The following LINGO2 variants were observed in gnomAD, a reference collection of about 807,000 sequenced individuals.
LINGO2 encodes leucine rich repeat and Ig domain containing 2, also known as leucine-rich repeat and immunoglobulin-like domain-containing nogo receptor-interacting protein 2.
In LINGO2, 14 loss-of-function variants were observed where a neutral mutation model predicts 30.6. That is an observed-to-expected ratio of 0.46 (90% confidence interval 0.30 to 0.72). LINGO2 has a LOEUF of 0.72. Among genes scored for constraint, LINGO2 ranks in the 30% least tolerant of loss-of-function variants. The pLI, the probability that LINGO2 is intolerant of heterozygous loss-of-function variation, is 0.07. For missense variants in LINGO2, 729 were observed against 751.7 expected, an observed-to-expected ratio of 0.97 and a Z score of 0.35; for synonymous variants, 317 against 288.5, an observed-to-expected ratio of 1.10 and a Z score of -1.00.
chr9:29,074,793 G>A, the LINGO2 span, among the ~76,000 whole-genome samples: 3 of 144,108 alleles, frequency 2.1e-5, no homozygotes, highest in African/African-American at 5.1e-5. Context: ...TCAGCCTCCC[G>A]AGTAGCTGGG....
intron 4 of LINGO2, among the ~76,000 whole-genome samples, chr9:28,081,558 C>T (rs1428175599): frequency 2.0e-5 from 3 of 152,140 alleles, no homozygotes; most frequent in Non-Finnish European, 4.4e-5. Flanking sequence ...ACTTTGAATA[C>T]ATAAACCTAG....
chr9:28,282,492 T>C (rs1246896779), intron 4 of LINGO2, among the ~76,000 whole-genome samples: 2 of 152,040 alleles, frequency 1.3e-5, no homozygotes, highest in Non-Finnish European at 2.9e-5. Context: ...AAAGATCAGA[T>C]GTAGAAAACA....
the LINGO2 span, among the ~76,000 whole-genome samples, chr9:28,800,000 C>A: frequency 6.6e-6 from 1 of 151,950 alleles, no homozygotes; most frequent in Non-Finnish European, 1.5e-5. Context: ...CAGTTATTTT[C>A]TTTCTTACTT....
chr9:28,270,394 C>A (rs909153930), intron 4 of LINGO2, among the ~76,000 whole-genome samples: 1 of 151,922 alleles, frequency 6.6e-6, no homozygotes, highest in Non-Finnish European at 1.5e-5. Context: ...AATCTAGCAC[C>A]TATGATGACC....
chr9:28,370,836 C>T (rs184480445), intron 3 of LINGO2, among the ~76,000 whole-genome samples: 13 of 152,204 alleles, frequency 8.5e-5, no homozygotes, highest in Admixed American at 6.5e-4. Flanking sequence ...GAACAGTTTA[C>T]GTATTTAACC....
At chr9:28,886,871 T>C in the LINGO2 span, among the ~76,000 whole-genome samples, 2 of 152,112 alleles carry the variant, frequency 1.3e-5, no homozygotes, top group African/African-American at 4.8e-5. Flanking sequence ...AAACAGAACA[T>C]TAAATGAGAG....
the LINGO2 span, among the ~76,000 whole-genome samples, chr9:28,735,759 A>C: frequency 6.6e-6 from 1 of 151,454 alleles, no homozygotes; most frequent in Admixed American, 6.8e-5. Context: ...GGTGAACAAA[A>C]ATCTCATTAC....
At chr9:28,556,595 C>T (rs1324940488) in intron 1 of LINGO2, among the ~76,000 whole-genome samples, 2 of 151,982 alleles carry the variant, frequency 1.3e-5, no homozygotes, top group Non-Finnish European at 2.9e-5. Flanking sequence ...AGATTCAATG[C>T]CATCCCCATC....
At chr9:29,057,531 C>T in the LINGO2 span, among the ~76,000 whole-genome samples, 1 of 152,062 alleles carries the variant, frequency 6.6e-6, no homozygotes, top group South Asian at 2.1e-4. Context: ...ACTTTCTGAA[C>T]TGGAGGGAAA....
chr9:28,280,167 A>C (rs547464681), intron 4 of LINGO2, among the ~76,000 whole-genome samples: 6 of 152,142 alleles, frequency 3.9e-5, no homozygotes, highest in African/African-American at 1.4e-4. Context: ...AAAATGATGC[A>C]AAAGTAGTGT....
chr9:28,315,033 A>T (rs915456626), intron 3 of LINGO2, among the ~76,000 whole-genome samples: 2 of 151,818 alleles, frequency 1.3e-5, no homozygotes, highest in South Asian at 2.1e-4. Context: ...AAAGAAACAA[A>T]ATGAAAATAT....
At chr9:28,787,084 G>A in the LINGO2 span, among the ~76,000 whole-genome samples, 1 of 152,136 alleles carries the variant, frequency 6.6e-6, no homozygotes, top group East Asian at 1.9e-4. Flanking sequence ...TTAATCACCA[G>A]GTAGTGATGT....
intron 2 of LINGO2, among the ~76,000 whole-genome samples, chr9:28,417,323 GTC>G (rs1012192981): frequency 5.3e-5 from 8 of 152,168 alleles, no homozygotes; most frequent in African/African-American, 1.9e-4. Flanking sequence ...AGCCAACACA[GTC>G]CTAGGTGCTA....
chr9:28,142,895 T>C (rs2133503267), intron 4 of LINGO2, among the ~76,000 whole-genome samples: 1 of 152,324 alleles, frequency 6.6e-6, no homozygotes, highest in South Asian at 2.1e-4. Flanking sequence ...ACTAGATAAC[T>C]TAACAGTTGG....
intron 1 of LINGO2, among the ~76,000 whole-genome samples, chr9:28,607,120 C>T (rs1825727550): frequency 6.6e-6 from 1 of 151,938 alleles, no homozygotes; most frequent in Admixed American, 6.6e-5. Context: ...CAATGCTTCT[C>T]AAAGAGGACT....
At chr9:28,876,073 C>T in the LINGO2 span, among the ~76,000 whole-genome samples, 1 of 152,038 alleles carries the variant, frequency 6.6e-6, no homozygotes, top group African/African-American at 2.4e-5. Flanking sequence ...ACCATGTTAA[C>T]ATAACTCTGC....
the LINGO2 span, among the ~76,000 whole-genome samples, chr9:28,990,882 G>A: frequency 6.6e-6 from 1 of 152,084 alleles, no homozygotes; most frequent in Non-Finnish European, 1.5e-5. Context: ...CATCATCAAA[G>A]ACCAAAAGTA....
intron 5 of LINGO2, among the ~76,000 whole-genome samples, chr9:28,007,520 C>T (rs1197457956): frequency 6.6e-6 from 1 of 152,114 alleles, no homozygotes; most frequent in Non-Finnish European, 1.5e-5. Context: ...CCTCACTTAT[C>T]TTTATTTCTG....
intron 3 of LINGO2, among the ~76,000 whole-genome samples, chr9:28,345,043 G>A (rs1819511317): frequency 6.6e-6 from 1 of 151,846 alleles, no homozygotes; most frequent in Non-Finnish European, 1.5e-5. Context: ...CATTCCCTTT[G>A]ATAGTGTCTT....
Sources: allele counts gnomAD v4.1 joint callset (sites outside exome capture counted in the v4.1 genomes callset), GRCh38; gene constraint gnomAD v4.1.1; transcripts MANE v1.5; gene names NCBI Gene and HGNC (gene_info 2026-07-23, HGNC 2026-07-21).